The following GABRB1 variants were observed in gnomAD, a reference collection of about 807,000 sequenced individuals.
GABRB1 encodes gamma-aminobutyric acid receptor subunit beta-1.
In GABRB1, 17 loss-of-function variants were observed where a neutral mutation model predicts 51.6. That is an observed-to-expected ratio of 0.33 (90% CI 0.23 to 0.49). GABRB1 has a LOEUF of 0.49. Among genes scored for constraint, GABRB1 ranks in the 20% least tolerant of loss-of-function variants. The pLI is 0.99. For missense variants in GABRB1, 410 were observed against 600.6 expected (o/e 0.68, Z 3.32); for synonymous variants, 247 against 218.9 (o/e 1.13, Z -1.14).
At chr4:47,161,155 T>C in intron 3 of GABRB1, 94 bp from the exon 4 acceptor site, 4 of 845,024 alleles carry the variant, frequency 4.7e-6, no homozygotes, top group Non-Finnish European at 7.3e-6. Flanking sequence ...TATATTCAAA[T>C]GTAATCTCTT....
intron 4 of GABRB1, among the ~76,000 whole-genome samples, chr4:47,173,768 A>G (rs1447463289): frequency 6.6e-6 from 1 of 152,118 alleles, no homozygotes; most frequent in African/African-American, 2.4e-5. Context: ...TGTATCCTAC[A>G]TATCGTTAGC....
chr4:47,033,111 C>G lies in GABRB1; in HGVS notation c.240+627C>G, dbSNP rs553232097. ...TGCGGGAGGTTATGAATTTGTCTTA[C>G]TGCATCTTGCAAATTTAAGTTGAAA... On this transcript the variant is annotated intron_variant, in intron 3 of 8. Transcript: ENST00000295454. The G allele has an allele frequency of 1.5e-5, 3 of 195,246 alleles. No homozygotes were observed. The South Asian group carries it at 3.1e-4, about 20-fold the overall frequency. 12.1% of individuals were successfully genotyped at this position (195,246 alleles called of 1,614,324 possible). A position where few individuals can be genotyped will look rare whatever the true frequency, so the allele number is the denominator to read the frequency against.
intron 3 of GABRB1, among the ~76,000 whole-genome samples, chr4:47,111,858 G>A (rs1327228112): frequency 2.6e-5 from 4 of 151,976 alleles, no homozygotes. Context: ...GTGAGACCCT[G>A]CAATGCAACA....
chr4:47,291,455 T>A (rs914015359), intron 4 of GABRB1, among the ~76,000 whole-genome samples: 1 of 152,148 alleles, frequency 6.6e-6, no homozygotes, highest in South Asian at 2.1e-4. Context: ...AGAGTCCATA[T>A]GGGGCACTGC....
chr4:47,068,487 C>A (rs1727179083), intron 3 of GABRB1, among the ~76,000 whole-genome samples: 1 of 152,326 alleles, frequency 6.6e-6, no homozygotes, highest in South Asian at 2.1e-4. Flanking sequence ...ACATTCAACT[C>A]TTTCTTTTAC....
At chr4:47,408,476 G>C (rs1292108790) in intron 8 of GABRB1, among the ~76,000 whole-genome samples, 1 of 152,138 alleles carries the variant, frequency 6.6e-6, no homozygotes, top group Non-Finnish European at 1.5e-5. Flanking sequence ...AATTAGCAAA[G>C]AAAACTTAGG....
chr4:47,173,760 T>G (rs2109759075), intron 4 of GABRB1, among the ~76,000 whole-genome samples: 1 of 152,290 alleles, frequency 6.6e-6, no homozygotes, highest in East Asian at 1.9e-4. Flanking sequence ...CTTCCTGTTG[T>G]ATCCTACATA....
chr4:47,392,710 G>T (rs990157091), intron 5 of GABRB1, among the ~76,000 whole-genome samples: 1 of 152,182 alleles, frequency 6.6e-6, no homozygotes, highest in Non-Finnish European at 1.5e-5. Context: ...AGCCAGAGAG[G>T]CAGGAAGCCC....
chr4:47,363,937 C>T (rs1224431236), intron 5 of GABRB1, among the ~76,000 whole-genome samples: 1 of 152,168 alleles, frequency 6.6e-6, no homozygotes, highest in Non-Finnish European at 1.5e-5. Context: ...TCCCAGAACA[C>T]TTAATCAGGA....
intron 4 of GABRB1, among the ~76,000 whole-genome samples, chr4:47,249,681 T>C (rs1303585776): frequency 6.6e-6 from 1 of 152,194 alleles, no homozygotes; most frequent in African/African-American, 2.4e-5. Context: ...TTATAAAATG[T>C]CCCTCTTTGT....
At chr4:47,376,750 G>T (rs968193184) in intron 5 of GABRB1, among the ~76,000 whole-genome samples, 1 of 150,024 alleles carries the variant, frequency 6.7e-6, no homozygotes, top group Non-Finnish European at 1.5e-5. Flanking sequence ...GCAGTGAAAG[G>T]AAATGGAAGG....
chr4:47,244,770 G>C (rs1175944979), intron 4 of GABRB1, among the ~76,000 whole-genome samples: 1 of 152,162 alleles, frequency 6.6e-6, no homozygotes, highest in Non-Finnish European at 1.5e-5. Context: ...AATGAAGGCA[G>C]AAATAAAGAT....
intron 8 of GABRB1, among the ~76,000 whole-genome samples, chr4:47,420,924 G>C (rs75037871): frequency 0.015 from 2,158 of 141,218 alleles, 43 homozygotes; most frequent in African/African-American, 0.056. Context: ...AAATGCATGA[G>C]CATGTACATA....
chr4:47,238,823 C>T (rs964004030), intron 4 of GABRB1, among the ~76,000 whole-genome samples: 2 of 152,092 alleles, frequency 1.3e-5, no homozygotes, highest in African/African-American at 4.8e-5. Flanking sequence ...GTACAAAAGG[C>T]TGAATATACA....
chr4:47,019,681 T>C, intron 1 of GABRB1, among the ~76,000 whole-genome samples: 1 of 141,262 alleles, frequency 7.1e-6, no homozygotes, highest in Non-Finnish European at 1.5e-5. Context: ...CTTTCTTTCC[T>C]TCTTTCCTTC....
In GABRB1 at chr4:47,057,083, C is replaced by T. The variant is rs113972784; in HGVS notation, c.240+24599C>T. Among the ~76,000 whole-genome samples, 1,143 of 152,132 alleles carry T rather than the reference C, an allele frequency of 7.5e-3. 6 individuals are homozygous for T. The highest frequency in any genetic ancestry group is 0.011 in the Admixed American group (166 of 15,284). On this transcript the variant is annotated intron_variant, in intron 3 of 8. Coordinates refer to ENST00000295454, the MANE Select transcript of GABRB1 (RefSeq NM_000812.4). ...TCACGCCGCTGCACTCCAGCCTGGG[C>T]GACAGAGCAAGACTCTGTCTCAAAA...
chr4:47,122,995 T>G (rs1458768869), intron 3 of GABRB1, among the ~76,000 whole-genome samples: 1 of 152,128 alleles, frequency 6.6e-6, no homozygotes, highest in Non-Finnish European at 1.5e-5. Context: ...AGAAATTTAA[T>G]AGCTGTTATA....
intron 4 of GABRB1, among the ~76,000 whole-genome samples, chr4:47,269,688 A>G (rs1722778597): frequency 1.3e-5 from 2 of 151,710 alleles, no homozygotes; most frequent in African/African-American, 4.8e-5. Flanking sequence ...TGTCTTTGTC[A>G]TGCCAAATAT....
chr4:47,125,805 T>C (rs1228993077), intron 3 of GABRB1, among the ~76,000 whole-genome samples: 1 of 149,716 alleles, frequency 6.7e-6, no homozygotes, highest in African/African-American at 2.4e-5. Flanking sequence ...TCCGCCCGCC[T>C]CGGCCTCCCA....
Sources: allele counts gnomAD v4.1 joint callset (sites outside exome capture counted in the v4.1 genomes callset), GRCh38; gene constraint gnomAD v4.1.1; transcripts MANE v1.5; gene names NCBI Gene and HGNC (gene_info 2026-07-23, HGNC 2026-07-21).